PROSER1: variants seen among roughly 807,000 people sequenced by gnomAD.
PROSER1 encodes proline and serine-rich protein 1.
A neutral mutation model predicts 71.8 loss-of-function variants in PROSER1; 36 were observed. The observed-to-expected ratio is 0.50, with a 90% CI of 0.38 to 0.66. The LOEUF is 0.66. PROSER1 is among the 30% of genes least tolerant of loss of function. The pLI is 0.00. For synonymous variants in PROSER1, 490 were observed against 452.4 expected, an observed-to-expected ratio of 1.08 and a Z score of -1.06; for missense variants, 1,107 against 1,135.0, an observed-to-expected ratio of 0.98 and a Z score of 0.35.
At chr13:39,034,265 C>T (rs1566029643) in intron 1 of PROSER1, 69 bp from the exon 2 acceptor site, 12 of 1,316,290 alleles carry the variant, frequency 9.1e-6, no homozygotes, top group Non-Finnish European at 1.2e-5. Context: ...CAGTAATATA[C>T]ATCTATCAAA....
Position 39,024,665 on chromosome 13 carries a change from G to A in PROSER1, c.481-109C>T, listed in dbSNP as rs1197742950. The A allele has an allele frequency of 6.5e-6, 5 of 772,286 alleles. No individual in the cohort carries two copies. In the East Asian group the frequency reaches 1.1e-4, roughly 17 times the overall value. The allele number at this position is 772,286 out of a possible 1,614,324, so 47.8% of individuals were successfully genotyped here. A position where few individuals can be genotyped will look rare whatever the true frequency, so the allele number is the denominator to read the frequency against. On this transcript the variant is annotated intron_variant, in intron 6 of 12. Transcript: ENST00000352251. ...CACTGAAGAAAAGGACTTGGTAAGA[G>A]TGTAAAGACTTGCATTCCCATTTCA...
At position 39,017,293 on chromosome 13, in the gene PROSER1, T is replaced by C. The variant is rs945424698; in HGVS notation, c.775+207A>G. ...AATTGTATAAAAGTCCTAAGATTAA[T>C]TTTAAATTCAGTTAACACGTGCATT... On this transcript the variant is annotated intron_variant, in intron 10 of 12. Coordinates refer to ENST00000352251, the MANE Select transcript of PROSER1 (RefSeq NM_025138.5). 3.3e-5 allele frequency among the ~76,000 whole-genome samples: 5 copies of C among 152,248 alleles called. No individual in the cohort carries two copies. The East Asian group carries it at 5.8e-4, about 18-fold the overall frequency.
chr13:39,033,618 T>C (rs1490445185), intron 2 of PROSER1, among the ~76,000 whole-genome samples: 1 of 152,226 alleles, frequency 6.6e-6, no homozygotes, highest in African/African-American at 2.4e-5. Context: ...TAAGGTGGAA[T>C]GAAGTTTTCA....
At position 39,014,108 on chromosome 13, in the gene PROSER1, GGGTAGGAGTGGCTGC is replaced by G. The variant is rs746688397; in HGVS notation, c.1129_1143del (p.Ala377_Thr381del). 6.8e-6 allele frequency: 11 copies of G among 1,613,962 alleles called. No individual in the cohort carries two copies. The highest frequency in any genetic ancestry group is 5.5e-5 in the South Asian group (5 of 91,068). ...AGAGTGGACCGTGGTGTAGGTCCTG[GGGTAGGAGTGGCTGC>G]GGTAGGAGTGGCAGAAGGACCTGGC... On this transcript the variant is annotated inframe_deletion, in exon 11 of 13. Transcript: ENST00000352251.
intron 1 of PROSER1, among the ~76,000 whole-genome samples, chr13:39,035,372 C>T (rs1206650264): frequency 1.3e-5 from 2 of 152,182 alleles, no homozygotes; most frequent in Non-Finnish European, 2.9e-5. Context: ...GCTCTGCAAG[C>T]ATAGTTTGAA....
chr13:39,012,365 G>T, intron 11 of PROSER1, 132 bp from the exon 12 acceptor site: 2 of 1,000,844 alleles, frequency 2.0e-6, no homozygotes, highest in Non-Finnish European at 1.5e-6. Context: ...TCTGTTGGAA[G>T]GACCATAAAA....
chr13:39,024,412 G>T, intron 7 of PROSER1, 61 bp downstream of exon 7: 2 of 1,245,266 alleles, frequency 1.6e-6, no homozygotes, highest in Non-Finnish European at 2.3e-6. Context: ...TATGCTTTGA[G>T]TAAAAAGGAA....
chr13:39,037,134 T>C, intron 1 of PROSER1, 64 bp downstream of exon 1: 1 of 1,255,672 alleles, frequency 8.0e-7, no homozygotes, highest in Non-Finnish European at 1.2e-6. Flanking sequence ...ATACAGTACC[T>C]CAAAGAGAGT....
chr13:39,013,448 T>C lies in PROSER1; in HGVS notation c.1804A>G (p.Thr602Ala), dbSNP rs762174338. 8.7e-6 allele frequency: 14 copies of C among 1,612,892 alleles called. No homozygotes were observed. In the Admixed American group the frequency reaches 1.2e-4, roughly 13 times the overall value. ...TCAGTTTTGATCATAACAGGAAGAG[T>C]TGTTGCAGCAGGGGTAGATGAAATA... Reference protein sequence around the residue: ...LHISSTPAATTLPVMIKTEPT... With the variant: ...LHISSTPAATALPVMIKTEPT... The change falls in exon 11 of 13, where the codon ACT becomes GCT. Residue 602 changes from threonine to alanine, a missense_variant. By Grantham distance (58) the Thr-to-Ala change is moderately conservative. Transcript: ENST00000352251.
intron 4 of PROSER1, 49 bp from the exon 5 acceptor site, chr13:39,028,369 A>G (rs371985081): frequency 9.0e-7 from 1 of 1,110,826 alleles, no homozygotes; most frequent in Non-Finnish European, 1.4e-6. Context: ...CTGAACATAC[A>G]TCGAGGTAAG....
Position 39,013,363 on chromosome 13 carries a change from T to C in PROSER1, c.1889A>G (p.His630Arg), listed in dbSNP as rs755582070. Residue 630 changes from histidine (H) to arginine (R), a missense_variant, in exon 11 of 13, where the codon CAT becomes CGT. By Grantham distance (29) the His-to-Arg change is conservative. Transcript: ENST00000352251. ...TGTCCCTGACAAACCTAAAGTGCCA[T>C]GAGAGGGATTCCCAGAATGAGATGG... The part of the protein sequence containing the change: ...KGPSHSGNPS[H>R]GTLGLSGTLG... 22 of 1,613,930 alleles carry C rather than the reference T, an allele frequency of 1.4e-5. No individual in the cohort carries two copies. The African/African-American group carries it at 1.7e-4, about 13-fold the overall frequency.
At chr13:39,015,476 A>C (rs186497310) in intron 10 of PROSER1, among the ~76,000 whole-genome samples, 10 of 152,338 alleles carry the variant, frequency 6.6e-5, no homozygotes, top group African/African-American at 1.9e-4. Flanking sequence ...CCAACTGAGA[A>C]ATATTTTCAT....
At position 39,028,288 on chromosome 13, in the gene PROSER1, A is replaced by G. The variant is rs753575141; in HGVS notation, c.308T>C (p.Ile103Thr). The G allele has an allele frequency of 6.3e-7, 1 of 1,599,576 alleles. No homozygotes were observed. Among genetic ancestry groups the G allele is most frequent in the Non-Finnish European group, 8.6e-7 (1 of 1,167,630 alleles). ...CATATTTACCCTGAATAAATCTTCA[A>G]TAGGACGAGAATTCTGTGCATCAAT... is the stretch of plus-strand genomic sequence containing the variant. ...NIIDAQNSRP[I>T]EDLFRVNMSE... is the part of the protein sequence containing the mutation. The change falls in exon 5 of 13, where the codon ATT becomes ACT. Residue 103 changes from isoleucine to threonine, a missense_variant. Coordinates refer to ENST00000352251, the MANE Select transcript of PROSER1 (RefSeq NM_025138.5).
In PROSER1 at chr13:39,031,619, G is replaced by A. The variant is rs765477669; in HGVS notation, c.124C>T (p.Leu42=). 1.9e-6 allele frequency: 3 copies of A among 1,612,760 alleles called. No homozygotes were observed. The highest frequency in any genetic ancestry group is 2.5e-6 in the Non-Finnish European group (3 of 1,179,484). The change falls in exon 3 of 13, where the codon CTG becomes TTG. Residue 42 remains leucine (L), a synonymous_variant. Coordinates refer to ENST00000352251, the MANE Select transcript of PROSER1 (RefSeq NM_025138.5). ...GGCTCGGCCCAGGAAAAATATCTCA[G>A]CAAATCAACCACCTGAAAACAAAGA... ...YFSSEQVVDL[L]RYFSWAEPQL...
At chr13:39,024,873 T>C (rs1054337331) in intron 6 of PROSER1, among the ~76,000 whole-genome samples, 1 of 152,148 alleles carries the variant, frequency 6.6e-6, no homozygotes, top group Non-Finnish European at 1.5e-5. Flanking sequence ...CCAAAATACA[T>C]GGATGCTCAA....
intron 9 of PROSER1, among the ~76,000 whole-genome samples, chr13:39,019,808 T>C (rs1222060412): frequency 6.6e-6 from 1 of 151,980 alleles, no homozygotes; most frequent in East Asian, 1.9e-4. Context: ...GTAATTTTTA[T>C]TATTAATAAA....
At chr13:39,023,899 T>A (rs950709492) in intron 7 of PROSER1, 3 of 152,782 alleles carry the variant, frequency 2.0e-5, no homozygotes, top group African/African-American at 7.2e-5. Context: ...CCAGCTCCCA[T>A]AATTGTGGCC....
rs753881459 is a variant in PROSER1, at chr13:39,031,614, T to G, written c.129A>C (p.Arg43Ser). The G allele has an allele frequency of 3.7e-6, 6 of 1,613,208 alleles. No individual in the cohort carries two copies. The highest frequency in any genetic ancestry group is 3.3e-5 in the South Asian group (3 of 90,952). ...ACTGGGGCTCGGCCCAGGAAAAATATCTCAGCAAATCAACCACCTGAAAAC... is the reference window on the plus strand; with the variant it reads ...ACTGGGGCTCGGCCCAGGAAAAATAGCTCAGCAAATCAACCACCTGAAAAC... ...FSSEQVVDLL[R>S]YFSWAEPQLK... The change falls in exon 3 of 13, where the codon AGA (arginine) becomes AGC (serine). Residue 43 changes from arginine (R) to serine (S), a missense_variant. By Grantham distance (110) the Arg-to-Ser change is moderately radical. Transcript: ENST00000352251.
At chr13:39,024,613 G>T (rs1056195805) in intron 6 of PROSER1, 57 bp from the exon 7 acceptor site, 29 of 1,294,414 alleles carry the variant, frequency 2.2e-5, no homozygotes, top group Non-Finnish European at 3.1e-5. Context: ...CCTCAAACCA[G>T]TAACAATAAC....
Sources: gnomAD v4.1 joint callset for allele counts (sites outside exome capture counted in the v4.1 genomes callset) on GRCh38, gnomAD v4.1.1 for gene constraint, MANE v1.5 for transcripts, NCBI Gene and HGNC (gene_info 2026-07-23, HGNC 2026-07-21) for gene names.